Variants in PPP1R1C observed in about 807,000 individuals in gnomAD.
The protein encoded by PPP1R1C is protein phosphatase 1 regulatory inhibitor subunit 1C.
Under a neutral mutation model 17.4 loss-of-function variants are expected in PPP1R1C, and 15 were observed. The ratio of observed to expected loss-of-function variants is 0.86; its 90% CI spans 0.58 to 1.33. The LOEUF (loss-of-function observed/expected upper bound fraction) is 1.33. Ranked by LOEUF, PPP1R1C falls within the 40% of genes most tolerant of loss-of-function variation. PPP1R1C has a pLI of 0.00. For synonymous variants in PPP1R1C, 35 were observed against 43.1 expected (o/e 0.81, Z 0.73); for missense variants, 143 against 130.0 (o/e 1.10, Z -0.48).
intron 5 of PPP1R1C, among the ~76,000 whole-genome samples, chr2:182,124,314 G>GTTTTTTTTTTTTTT (rs796745919): frequency 1.4e-4 from 6 of 42,066 alleles, no homozygotes; most frequent in African/African-American, 2.0e-4. Flanking sequence ...GTTTTTTTTT[G>GTTTTTTTTTTTTTT]TTTTTTTTTT....
intron 2 of PPP1R1C, among the ~76,000 whole-genome samples, chr2:182,059,124 A>G (rs1317308247): frequency 2.0e-5 from 3 of 152,098 alleles, no homozygotes; most frequent in Non-Finnish European, 4.4e-5. Flanking sequence ...TTCTGTTTCT[A>G]TCTTCATCTT....
At chr2:182,053,755 AT>A (rs1687595405) in intron 2 of PPP1R1C, among the ~76,000 whole-genome samples, 1 of 149,886 alleles carries the variant, frequency 6.7e-6, no homozygotes, top group South Asian at 2.1e-4. Context: ...GATTTTGCAG[AT>A]TTTTATTTAT....
At chr2:182,118,875 G>T (rs1689656889), downstream of PPP1R1C, among the ~76,000 whole-genome samples, 4 of 143,284 alleles carry the variant, frequency 2.8e-5, no homozygotes, top group Admixed American at 1.4e-4. Context: ...CTCCTTCTCT[G>T]TCTTTCTCCA....
intron 2 of PPP1R1C, among the ~76,000 whole-genome samples, chr2:182,002,928 C>A (rs1685808048): frequency 1.8e-5 from 1 of 56,188 alleles, no homozygotes. Context: ...ATGCCATAAA[C>A]CTCCCCCCCC....
chr2:182,097,321 C>T (rs998762362), intron 4 of PPP1R1C, among the ~76,000 whole-genome samples: 1 of 152,172 alleles, frequency 6.6e-6, no homozygotes. Context: ...GGTTAAAACA[C>T]AGACTCACTC....
chr2:181,982,947 C>T (rs989278924), upstream of PPP1R1C, among the ~76,000 whole-genome samples: 11 of 152,230 alleles, frequency 7.2e-5, no homozygotes, highest in African/African-American at 1.7e-4. Context: ...TAAAGAGCAA[C>T]GGAGAGGATT....
intron 4 of PPP1R1C, among the ~76,000 whole-genome samples, chr2:182,114,673 A>G (rs1397936791): frequency 6.6e-6 from 1 of 152,132 alleles, no homozygotes; most frequent in East Asian, 1.9e-4. Flanking sequence ...TTCGTGGTAG[A>G]TATTCTGCTG....
At chr2:182,097,698 T>C (rs1358175096) in intron 4 of PPP1R1C, among the ~76,000 whole-genome samples, 1 of 152,200 alleles carries the variant, frequency 6.6e-6, no homozygotes, top group East Asian at 1.9e-4. Flanking sequence ...GTTGTGCATT[T>C]CTGTATCTTT....
intron 4 of PPP1R1C, among the ~76,000 whole-genome samples, chr2:182,114,054 T>C (rs1035846887): frequency 2.6e-5 from 4 of 152,250 alleles, no homozygotes; most frequent in African/African-American, 7.2e-5. Context: ...TCTTTTATTG[T>C]CTGCTTTCTT....
At chr2:181,971,041 A>G (rs1309169898) in intron 1 of PPP1R1C, among the ~76,000 whole-genome samples, 2 of 143,268 alleles carry the variant, frequency 1.4e-5, no homozygotes, top group Non-Finnish European at 3.1e-5. Flanking sequence ...CAGGAGCCCA[A>G]AGAGCCCACC....
rs1281666321 is a variant in PPP1R1C at position 182,063,735 on chromosome 2, A to G, written c.185A>G (p.Gln62Arg). The change falls in exon 4 of 5, where the codon CAG becomes CGG. Residue 62 changes from glutamine to arginine, a missense_variant. Transcript: ENST00000682840. ...CTTTTTTCTCTTTCTCCACAGTTAC[A>G]GAATGCATCCCCTAAGCAAAGGAAG... The part of the protein sequence containing the change: ...KRGPNTQGEL[Q>R]NASPKQRKQS... 6.2e-7 allele frequency: 1 copy of G among 1,612,434 alleles called. No individual in the cohort carries two copies. Among genetic ancestry groups the G allele is most frequent in the Admixed American group, 1.7e-5 (1 of 59,908 alleles).
chr2:182,127,630 A>G (rs924352212), intron 5 of PPP1R1C, among the ~76,000 whole-genome samples: 1 of 152,074 alleles, frequency 6.6e-6, no homozygotes, highest in Non-Finnish European at 1.5e-5. Context: ...AATAACAAAG[A>G]AGCAAAACTT....
chr2:181,983,429 G>T (rs1360603614), upstream of PPP1R1C, among the ~76,000 whole-genome samples: 1 of 152,022 alleles, frequency 6.6e-6, no homozygotes, highest in Non-Finnish European at 1.5e-5. Context: ...CCTGGCACAT[G>T]GTATCATATA....
intron 2 of PPP1R1C, among the ~76,000 whole-genome samples, chr2:182,043,050 A>T (rs1687233277): frequency 6.6e-6 from 1 of 152,220 alleles, no homozygotes; most frequent in African/African-American, 2.4e-5. Flanking sequence ...CACCAGAAAA[A>T]TTTTTAAAAA....
intron 1 of PPP1R1C, 79 bp downstream of exon 1, chr2:181,986,270 C>G: frequency 8.6e-7 from 1 of 1,164,120 alleles, no homozygotes; most frequent in Non-Finnish European, 1.3e-6. Context: ...TTGAAAGGTT[C>G]TTTACCTTTT....
intron 4 of PPP1R1C, among the ~76,000 whole-genome samples, chr2:182,081,688 A>C (rs1688481919): frequency 6.6e-6 from 1 of 152,224 alleles, no homozygotes; most frequent in African/African-American, 2.4e-5. Flanking sequence ...GTATTGTGTC[A>C]TATTAAAATA....
chr2:182,009,842 G>A (rs779206933), intron 2 of PPP1R1C, among the ~76,000 whole-genome samples: 1 of 152,050 alleles, frequency 6.6e-6, no homozygotes, highest in Non-Finnish European at 1.5e-5. Context: ...TCTGCATATG[G>A]ATATCCAGTT....
At chr2:181,960,300 CA>C (rs932596398) in intron 1 of PPP1R1C, among the ~76,000 whole-genome samples, 9 of 152,168 alleles carry the variant, frequency 5.9e-5, no homozygotes, top group Admixed American at 3.3e-4. Flanking sequence ...ATAAGTTTTT[CA>C]CAATTTTTCC....
intron 2 of PPP1R1C, among the ~76,000 whole-genome samples, chr2:182,058,697 C>T (rs754807660): frequency 3.3e-5 from 5 of 152,004 alleles, no homozygotes; most frequent in Non-Finnish European, 5.9e-5. Context: ...AGTGTGGTCA[C>T]GACAGACAAA....
Sources: allele counts gnomAD v4.1 joint callset (sites outside exome capture counted in the v4.1 genomes callset), GRCh38; gene constraint gnomAD v4.1.1; transcripts MANE v1.5; gene names NCBI Gene and HGNC (gene_info 2026-07-23, HGNC 2026-07-21).